BMPR1B: variants seen among roughly 807,000 people sequenced by gnomAD.
BMPR1B encodes bone morphogenetic protein receptor type 1B.
Under a neutral mutation model 59.1 loss-of-function variants are expected in BMPR1B, and 12 were observed. The observed-to-expected ratio is 0.20, with a 90% CI of 0.13 to 0.33. The LOEUF is 0.33. Ranked by LOEUF, BMPR1B falls within the 10% of genes least tolerant of loss-of-function variation. The probability of loss-of-function intolerance (pLI) is 1.00; values close to 1 mark genes in which losing one functional copy is unlikely to be tolerated. For missense variants in BMPR1B, 550 were observed against 610.9 expected (o/e 0.90, Z 1.05); for synonymous variants, 237 against 207.3 (o/e 1.14, Z -1.23).
At chr4:94,936,840 TTCTC>T (rs978075572) in intron 2 of BMPR1B, among the ~76,000 whole-genome samples, 1 of 152,152 alleles carries the variant, frequency 6.6e-6, no homozygotes, top group Non-Finnish European at 1.5e-5. Context: ...CACAGTTCTC[TTCTC>T]TGTGTCCCTT....
intron 3 of BMPR1B, among the ~76,000 whole-genome samples, chr4:95,046,231 T>C (rs1726052845): frequency 6.6e-6 from 1 of 152,104 alleles, no homozygotes; most frequent in Non-Finnish European, 1.5e-5. Flanking sequence ...ATTTTTAAAA[T>C]CTTGACTTAA....
At chr4:94,902,235 CACACACACACACACAG>C (rs1291864396) in intron 2 of BMPR1B, among the ~76,000 whole-genome samples, 4 of 94,350 alleles carry the variant, frequency 4.2e-5, no homozygotes, top group East Asian at 2.9e-4. Flanking sequence ...CACACACACA[CACACACACACACACAG>C]AGAGAGAGAG....
intron 1 of BMPR1B, among the ~76,000 whole-genome samples, chr4:94,818,291 AGGGGC>A (rs1178931574): frequency 2.0e-5 from 3 of 152,180 alleles, no homozygotes; most frequent in Non-Finnish European, 4.4e-5. Context: ...AGTTTGTATC[AGGGGC>A]TCTACTAAGT....
chr4:94,831,222 A>C (rs538848290), intron 1 of BMPR1B, among the ~76,000 whole-genome samples: 1 of 143,002 alleles, frequency 7.0e-6, no homozygotes, highest in African/African-American at 2.7e-5. Flanking sequence ...TTAACAAGAA[A>C]GTTTAAAAAG....
rs746708034 is a variant in BMPR1B, at chr4:95,100,649, GTC to G, written c.-17-3753_-17-3752del. ...GATTTTCTTTCCTCTGTTTTCTCAA[GTC>G]TCTCTTTCTAGAGCTAATATTATTC... On this transcript the variant is annotated intron_variant, in intron 3 of 12. Coordinates refer to ENST00000515059, the MANE Select transcript of BMPR1B (RefSeq NM_001203.3). Among the ~76,000 whole-genome samples the G allele has an allele frequency of 3.0e-4, 46 of 152,162 alleles. 1 individual carries two copies. Among genetic ancestry groups the G allele is most frequent in the Non-Finnish European group, 1.6e-4 (11 of 68,014 alleles).
chr4:94,859,948 G>A (rs910535481), intron 1 of BMPR1B, among the ~76,000 whole-genome samples: 10 of 152,008 alleles, frequency 6.6e-5, no homozygotes, highest in African/African-American at 2.4e-4. Context: ...TTAATGATTT[G>A]CATTGTGATC....
rs1469016823 is a variant in BMPR1B at position 95,098,777 on chromosome 4, C to T, written c.-17-5631C>T. On this transcript the variant is annotated intron_variant, in intron 3 of 12. Coordinates refer to ENST00000515059, the MANE Select transcript of BMPR1B (RefSeq NM_001203.3). ...TGTCACCCAGGCTGGAGTGCAGTGG[C>T]GCGATCTGGGCTCACTGCAAGCTCC... Among the ~76,000 whole-genome samples, 8 of 152,124 alleles carry T rather than the reference C, an allele frequency of 5.3e-5. No homozygotes were observed. In the South Asian group the frequency reaches 6.2e-4, roughly 12 times the overall value.
intron 1 of BMPR1B, among the ~76,000 whole-genome samples, chr4:94,776,586 TGTG>T (rs1159369936): frequency 3.3e-5 from 5 of 152,218 alleles, no homozygotes; most frequent in African/African-American, 1.2e-4. Flanking sequence ...GCGTTTTAGT[TGTG>T]GTAAGGAATC....
intron 1 of BMPR1B, among the ~76,000 whole-genome samples, chr4:94,824,606 CTA>C (rs1204252525): frequency 1.3e-5 from 2 of 152,076 alleles, no homozygotes; most frequent in Non-Finnish European, 2.9e-5. Context: ...TTTTTACTGT[CTA>C]TATGACATTT....
chr4:94,909,865 G>A (rs1403878615), intron 2 of BMPR1B, among the ~76,000 whole-genome samples: 20 of 151,988 alleles, frequency 1.3e-4, no homozygotes, highest in Non-Finnish European at 4.4e-5. Context: ...GGTTACATGG[G>A]ATCCCTGGAA....
chr4:94,938,029 G>A (rs1049382068), intron 2 of BMPR1B, among the ~76,000 whole-genome samples: 5 of 152,098 alleles, frequency 3.3e-5, no homozygotes, highest in Non-Finnish European at 7.4e-5. Flanking sequence ...ATAAAATCAA[G>A]GAAAATAGAA....
At chr4:94,957,205 T>A (rs1441482614) in intron 2 of BMPR1B, among the ~76,000 whole-genome samples, 1 of 152,184 alleles carries the variant, frequency 6.6e-6, no homozygotes, top group Non-Finnish European at 1.5e-5. Flanking sequence ...TGAGCATGCC[T>A]GTGAAACTCG....
Position 94,832,960 on chromosome 4 carries a change from G to A in BMPR1B, c.-182-42871G>A, listed in dbSNP as rs76291485. 1.5e-3 allele frequency among the ~76,000 whole-genome samples: 232 copies of A among 152,008 alleles called. 1 individual carries two copies. The highest frequency in any genetic ancestry group is 5.2e-3 in the East Asian group (27 of 5,156). ...GAACGGTGGCCCATGAGGCTGGGGC[G>A]GGGGGATCCCTTGAGGTCAGGAGTT... On this transcript the variant is annotated intron_variant, in intron 1 of 12. Coordinates refer to ENST00000515059, the MANE Select transcript of BMPR1B (RefSeq NM_001203.3).
intron 1 of BMPR1B, among the ~76,000 whole-genome samples, chr4:94,855,069 G>A (rs954385486): frequency 6.6e-6 from 1 of 152,032 alleles, no homozygotes; most frequent in African/African-American, 2.4e-5. Context: ...CAAATTATCA[G>A]TTCTAACAAA....
intron 2 of BMPR1B, among the ~76,000 whole-genome samples, chr4:94,899,999 A>G (rs1727744170): frequency 6.6e-6 from 1 of 152,046 alleles, no homozygotes; most frequent in African/African-American, 2.4e-5. Flanking sequence ...TGTCACTTCT[A>G]GATTTGCAGC....
intron 3 of BMPR1B, among the ~76,000 whole-genome samples, chr4:95,070,535 A>G (rs57268771): frequency 0.043 from 6,591 of 152,244 alleles, 484 homozygotes; most frequent in African/African-American, 0.15. Context: ...CATATAAACA[A>G]GACTTCTTAG....
chr4:95,153,060 C>T (rs1021559123), intron 12 of BMPR1B, among the ~76,000 whole-genome samples: 53 of 152,042 alleles, frequency 3.5e-4, no homozygotes, highest in African/African-American at 1.0e-3. Flanking sequence ...TTGACATTTG[C>T]ATAAAACCTA....
intron 1 of BMPR1B, among the ~76,000 whole-genome samples, chr4:94,847,972 A>G (rs917764942): frequency 1.3e-5 from 2 of 152,158 alleles, no homozygotes; most frequent in Admixed American, 1.3e-4. Context: ...GGTATTGGTT[A>G]CCTCATTTAC....
chr4:95,157,789 C>A lies in BMPR1B; in HGVS notation c.*3116C>A, dbSNP rs1408659037. ...TTAAATCACAAAAAGAGTGCTATGA[C>A]CATTATGTATGAGGAAACAGGCCTT... On this transcript the variant is annotated 3_prime_UTR_variant, in exon 13 of 13. Coordinates refer to ENST00000515059, the MANE Select transcript of BMPR1B (RefSeq NM_001203.3). 1 of 151,832 alleles carries A rather than the reference C, an allele frequency of 6.6e-6. No individual in the cohort carries two copies. 9.4% of individuals were successfully genotyped at this position (151,832 alleles called of 1,614,324 possible).
Sources: allele counts gnomAD v4.1 joint callset (sites outside exome capture counted in the v4.1 genomes callset), GRCh38; gene constraint gnomAD v4.1.1; transcripts MANE v1.5; gene names NCBI Gene and HGNC (gene_info 2026-07-23, HGNC 2026-07-21).